INSC: variants seen among roughly 807,000 people sequenced by gnomAD.
INSC encodes protein inscuteable homolog.
Under a neutral mutation model 58.6 loss-of-function variants are expected in INSC, and 67 were observed. That is an observed-to-expected ratio of 1.14 (90% CI 0.94 to 1.40). INSC has a LOEUF of 1.40. Ranked by LOEUF, INSC falls within the 40% of genes most tolerant of loss-of-function variation. The probability of loss-of-function intolerance (pLI) is 0.00; values close to 1 mark genes in which losing one functional copy is unlikely to be tolerated. For missense variants in INSC, 714 were observed against 692.0 expected (o/e 1.03, Z -0.36); for synonymous variants, 262 against 276.1 (o/e 0.95, Z 0.51).
chr11:15,230,459 T>C (rs561695550), intron 9 of INSC, among the ~76,000 whole-genome samples: 4 of 152,218 alleles, frequency 2.6e-5, no homozygotes, highest in Admixed American at 1.3e-4. Flanking sequence ...AATAGCACCA[T>C]GAAGATGGTG....
intron 2 of INSC, among the ~76,000 whole-genome samples, chr11:15,150,703 T>G (rs1468830450): frequency 6.6e-6 from 1 of 152,184 alleles, no homozygotes; most frequent in African/African-American, 2.4e-5. Context: ...TGAACTGGCA[T>G]GATTGACAGG....
chr11:15,178,582 A>G, intron 5 of INSC, 135 bp downstream of exon 5: 2 of 1,091,542 alleles, frequency 1.8e-6, no homozygotes. Context: ...CAAACCACCA[A>G]AGTCAACTCC....
intron 9 of INSC, among the ~76,000 whole-genome samples, chr11:15,233,627 C>T (rs1267642414): frequency 6.6e-6 from 1 of 152,200 alleles, no homozygotes; most frequent in Non-Finnish European, 1.5e-5. Context: ...GCCTGTGACA[C>T]GGCTAATAAT....
intron 1 of INSC, among the ~76,000 whole-genome samples, chr11:15,118,708 A>G (rs775821154): frequency 3.9e-5 from 6 of 152,192 alleles, no homozygotes; most frequent in Non-Finnish European, 8.8e-5. Context: ...TTTTCACACT[A>G]TTTAGACTCT....
At chr11:15,252,427 T>A in the INSC span, among the ~76,000 whole-genome samples, 3 of 152,254 alleles carry the variant, frequency 2.0e-5, no homozygotes, top group East Asian at 1.9e-4. Context: ...GCTGCGATCA[T>A]GTGAAGACAC....
chr11:15,229,959 TTTATA>T (rs1333063740), intron 9 of INSC, among the ~76,000 whole-genome samples: 1 of 13,160 alleles, frequency 7.6e-5, no homozygotes, highest in African/African-American at 1.9e-4. Context: ...TATATATATA[TTTATA>T]TATATATATA....
the INSC span, among the ~76,000 whole-genome samples, chr11:15,265,623 A>C: frequency 2.6e-5 from 4 of 151,664 alleles, no homozygotes; most frequent in African/African-American, 9.7e-5. Flanking sequence ...ATTATGTACT[A>C]TTACTCATTT....
At chr11:15,114,580 C>T (rs1449627936), upstream of INSC, among the ~76,000 whole-genome samples, 2 of 152,228 alleles carry the variant, frequency 1.3e-5, no homozygotes, top group Non-Finnish European at 2.9e-5. Flanking sequence ...GCGACCCCGC[C>T]TGGACGGCTT....
chr11:15,231,272 G>C (rs1564918690), intron 9 of INSC, among the ~76,000 whole-genome samples: 2 of 152,204 alleles, frequency 1.3e-5, no homozygotes, highest in African/African-American at 4.8e-5. Context: ...AGAGGGTGGA[G>C]AGAAGCACTG....
At chr11:15,126,585 T>C (rs2133696451) in intron 1 of INSC, among the ~76,000 whole-genome samples, 1 of 152,316 alleles carries the variant, frequency 6.6e-6, no homozygotes, top group Non-Finnish European at 1.5e-5. Context: ...AGGCCCACAG[T>C]AGGGGCATAT....
At chr11:15,209,713 G>C (rs1850945532) in intron 7 of INSC, among the ~76,000 whole-genome samples, 1 of 152,156 alleles carries the variant, frequency 6.6e-6, no homozygotes, top group Non-Finnish European at 1.5e-5. Context: ...AAGATTTCTG[G>C]TTCGTTCTTC....
chr11:15,180,215 GC>G (rs1254227896), intron 5 of INSC, among the ~76,000 whole-genome samples: 6 of 152,008 alleles, frequency 3.9e-5, no homozygotes, highest in Non-Finnish European at 4.4e-5. Context: ...GGGAGATCGC[GC>G]CACTGCACTC....
intron 2 of INSC, among the ~76,000 whole-genome samples, chr11:15,163,786 G>T (rs1294497076): frequency 1.3e-5 from 2 of 152,084 alleles, no homozygotes; most frequent in African/African-American, 4.8e-5. Context: ...TAGAGACAAG[G>T]TTTCACCATA....
chr11:15,267,275 T>C, the INSC span, among the ~76,000 whole-genome samples: 113,670 of 151,698 alleles, frequency 0.75, 42,787 homozygotes, highest in Middle Eastern at 0.84. Flanking sequence ...TTCAAAATAT[T>C]TCTCTTCATG....
chr11:15,253,880 G>A, the INSC span, among the ~76,000 whole-genome samples: 1 of 152,086 alleles, frequency 6.6e-6, no homozygotes, highest in Non-Finnish European at 1.5e-5. Flanking sequence ...TGTAGACTGG[G>A]AACTTGGCCA....
At chr11:15,160,915 C>T (rs1381900626) in intron 2 of INSC, among the ~76,000 whole-genome samples, 1 of 152,200 alleles carries the variant, frequency 6.6e-6, no homozygotes, top group African/African-American at 2.4e-5. Context: ...CTCTTTGAGC[C>T]TCAGTTTCTC....
intron 7 of INSC, among the ~76,000 whole-genome samples, chr11:15,212,411 G>GCGTGAGCCACTGGGCCCTGC (rs1200899139): frequency 2.0e-5 from 3 of 152,148 alleles, no homozygotes; most frequent in Non-Finnish European, 4.4e-5. Context: ...GGAATTACAG[G>GCGTGAGCCACTGGGCCCTGC]CGTGAGCCAC....
At chr11:15,166,084 T>C (rs918965221) in intron 2 of INSC, among the ~76,000 whole-genome samples, 1 of 152,182 alleles carries the variant, frequency 6.6e-6, no homozygotes, top group African/African-American at 2.4e-5. Context: ...TTGAATTAAG[T>C]TGACCAGGGA....
the INSC span, among the ~76,000 whole-genome samples, chr11:15,259,054 G>A: frequency 6.6e-6 from 1 of 152,196 alleles, no homozygotes; most frequent in Admixed American, 6.5e-5. Flanking sequence ...TGGTCCACTG[G>A]GCTCTAGATA....
Sources: allele counts gnomAD v4.1 joint callset (sites outside exome capture counted in the v4.1 genomes callset), GRCh38; gene constraint gnomAD v4.1.1; transcripts MANE v1.5; gene names NCBI Gene and HGNC (gene_info 2026-07-23, HGNC 2026-07-21).